The following CRACD variants were observed in gnomAD, a reference collection of about 807,000 sequenced individuals.
The protein encoded by CRACD is capping protein-inhibiting regulator of actin dynamics.
In CRACD, 56 loss-of-function variants were observed where a neutral mutation model predicts 106.8. The observed-to-expected ratio is 0.52, with a 90% CI of 0.42 to 0.66. The LOEUF is 0.66. Ranked by LOEUF, CRACD falls within the 30% of genes least tolerant of loss-of-function variation. The pLI is 0.00. For synonymous variants in CRACD, 754 were observed against 670.8 expected (o/e 1.12, Z -1.92); for missense variants, 1,730 against 1,623.2 (o/e 1.07, Z -1.13).
At chr4:56,313,628 T>C (rs553325689) in intron 7 of CRACD, among the ~76,000 whole-genome samples, 28 of 152,322 alleles carry the variant, frequency 1.8e-4, no homozygotes, top group Admixed American at 1.8e-3. Flanking sequence ...TGTGTTTGCT[T>C]TGCAGTGGAA....
chr4:56,259,002 G>A (rs1289927579), intron 2 of CRACD, among the ~76,000 whole-genome samples: 1 of 152,118 alleles, frequency 6.6e-6, no homozygotes, highest in East Asian at 1.9e-4. Context: ...CTAAAATGCA[G>A]ATTCAGTCGC....
At chr4:56,225,108 A>G (rs1739233847) in intron 2 of CRACD, among the ~76,000 whole-genome samples, 1 of 152,092 alleles carries the variant, frequency 6.6e-6, no homozygotes, top group Admixed American at 6.6e-5. Flanking sequence ...TATTATTTTG[A>G]GATGGTGTCT....
chr4:56,298,777 G>A (rs894652915), intron 4 of CRACD, among the ~76,000 whole-genome samples: 4 of 151,994 alleles, frequency 2.6e-5, no homozygotes, highest in Non-Finnish European at 5.9e-5. Context: ...TACTAAAAAT[G>A]CAAAAATTAG....
At position 56,315,448 on chromosome 4, in the gene CRACD, G is replaced by T. The variant is rs778728205; in HGVS notation, c.1946G>T (p.Ser649Ile). The change falls in exon 8 of 11, where the codon AGC becomes ATC. Residue 649 changes from serine to isoleucine, a missense_variant. By Grantham distance (142) the Ser-to-Ile change is moderately radical. Transcript: ENST00000682029. The surrounding 1 kb of genome is among the most constrained non-coding windows in gnomAD (Gnocchi z 4.1). ...GGCCCCGGCGACGCGAGGGCGGGCA[G>T]CGGGAAGGCTAAGCCCCGCCAGGAG... ...PRGPGDARAG[S>I]GKAKPRQESP... 1 of 1,612,962 alleles carries T rather than the reference G, an allele frequency of 6.2e-7. No homozygotes were observed. The highest frequency in any genetic ancestry group is 8.5e-7 in the Non-Finnish European group (1 of 1,179,782).
intron 1 of CRACD, among the ~76,000 whole-genome samples, chr4:56,068,174 G>GTC (rs1560441118): frequency 6.6e-6 from 1 of 152,160 alleles, no homozygotes. Context: ...CAGGAACAGC[G>GTC]TCTCTGAGAA....
At chr4:56,245,961 A>G (rs1049925327) in intron 2 of CRACD, among the ~76,000 whole-genome samples, 2 of 152,200 alleles carry the variant, frequency 1.3e-5, no homozygotes, top group African/African-American at 4.8e-5. Flanking sequence ...TATGTTATGT[A>G]CCGTGTGCCT....
chr4:56,224,676 A>G (rs1380804112), intron 2 of CRACD, among the ~76,000 whole-genome samples: 1 of 152,092 alleles, frequency 6.6e-6, no homozygotes, highest in Non-Finnish European at 1.5e-5. Flanking sequence ...AATCAGTACA[A>G]CCTCTATATT....
chr4:56,260,395 G>A (rs1346277888), intron 2 of CRACD, among the ~76,000 whole-genome samples: 2 of 152,164 alleles, frequency 1.3e-5, no homozygotes, highest in African/African-American at 4.8e-5. Context: ...TTAGTGAAAG[G>A]ATGACTTTCT....
chr4:56,204,783 G>C (rs1420881206), intron 2 of CRACD, among the ~76,000 whole-genome samples: 4 of 152,208 alleles, frequency 2.6e-5, no homozygotes, highest in Non-Finnish European at 5.9e-5. Context: ...GAGTAAGCAG[G>C]GAAAGGTGAG....
Position 56,314,386 on chromosome 4 carries a change from T to C in CRACD, c.884T>C (p.Leu295Pro). Residue 295 changes from leucine (L) to proline (P), a missense_variant, in exon 8 of 11, where the codon CTG (leucine) becomes CCG (proline). Physicochemically the swap from Leu to Pro is moderately conservative, Grantham distance 98 (BLOSUM62 -3). Around this residue, in one of 5 missense-constraint regions of CRACD, gnomAD observed 1,620 missense variants for 1,481.6 expected, o/e 1.09. Transcript: ENST00000682029. The surrounding 1 kb of genome is among the most constrained non-coding windows in gnomAD (Gnocchi z 4.4). ...CCGCGGGAAGAGCAGCAGCGGAGCC[T>C]GGAAGCGCCAGGTTGGGAGGACGCG... ...RAPREEQQRS[L>P]EAPGWEDAER... 7.3e-7 allele frequency: 1 copy of C among 1,378,852 alleles called. No individual in the cohort carries two copies. Among genetic ancestry groups the C allele is most frequent in the Non-Finnish European group, 9.8e-7 (1 of 1,016,578 alleles). 85.4% of individuals were successfully genotyped at this position (1,378,852 alleles called of 1,614,324 possible). A position where few individuals can be genotyped will look rare whatever the true frequency, so the allele number is the denominator to read the frequency against.
At chr4:56,146,490 A>G (rs1735384919) in intron 1 of CRACD, among the ~76,000 whole-genome samples, 1 of 151,610 alleles carries the variant, frequency 6.6e-6, no homozygotes, top group Non-Finnish European at 1.5e-5. Context: ...ACATATGTAT[A>G]CATGTGCCAT....
intron 1 of CRACD, among the ~76,000 whole-genome samples, chr4:56,100,097 G>T (rs1029681019): frequency 3.3e-5 from 5 of 152,110 alleles, no homozygotes; most frequent in African/African-American, 1.2e-4. Flanking sequence ...AAAAAAATTA[G>T]CCAGGCATGG....
chr4:56,235,713 A>G (rs149168691), intron 2 of CRACD, among the ~76,000 whole-genome samples: 13 of 152,316 alleles, frequency 8.5e-5, no homozygotes, highest in Non-Finnish European at 1.6e-4. Context: ...CTTTTGAAAC[A>G]AAGGTCTAAG....
intron 2 of CRACD, among the ~76,000 whole-genome samples, chr4:56,251,123 G>A (rs1741029266): frequency 6.6e-6 from 1 of 152,114 alleles, no homozygotes; most frequent in African/African-American, 2.4e-5. Context: ...TAAATACTTT[G>A]GATATTTGGT....
At chr4:56,210,635 A>G (rs1738352472) in intron 2 of CRACD, among the ~76,000 whole-genome samples, 1 of 152,258 alleles carries the variant, frequency 6.6e-6, no homozygotes, top group African/African-American at 2.4e-5. Flanking sequence ...GTAAACATTA[A>G]TCCATTGTCT....
intron 1 of CRACD, among the ~76,000 whole-genome samples, chr4:56,168,512 T>TTG (rs1736238385): frequency 1.3e-5 from 2 of 151,888 alleles, no homozygotes; most frequent in Admixed American, 1.3e-4. Flanking sequence ...TACCATGTAT[T>TTG]TGTTTTTGGT....
At position 56,315,667 on chromosome 4, in the gene CRACD, T is replaced by C. The variant is rs141775618; in HGVS notation, c.2165T>C (p.Met722Thr). The change falls in exon 8 of 11, where the codon ATG becomes ACG. Residue 722 changes from methionine (M) to threonine (T), a missense_variant. This residue lies in a region of CRACD where 1,620 missense variants were observed against 1,481.6 expected (regional missense o/e 1.09). Transcript: ENST00000682029. This position sits in a 1 kb window ranked among gnomAD's most constrained non-coding sequence, Gnocchi z 4.1. ...TPPVNAKFSI[M>T]PAWQKFSDGG... ...CCAGTCAATGCAAAGTTCTCTATTA[T>C]GCCTGCCTGGCAGAAATTTTCCGAT... 732 of 1,614,214 alleles carry C rather than the reference T, an allele frequency of 4.5e-4. 2 individuals are homozygous for C. The African/African-American group carries it at 7.6e-3, about 17-fold the overall frequency.
chr4:56,223,506 G>A (rs1739154451), intron 2 of CRACD, among the ~76,000 whole-genome samples: 1 of 152,024 alleles, frequency 6.6e-6, no homozygotes, highest in South Asian at 2.1e-4. Context: ...TAATATTTTA[G>A]TCTTTGTTCC....
intron 2 of CRACD, among the ~76,000 whole-genome samples, chr4:56,243,921 GC>G (rs1357250775): frequency 6.6e-6 from 1 of 151,994 alleles, no homozygotes; most frequent in African/African-American, 2.4e-5. Flanking sequence ...CTCCCTCAAA[GC>G]CCCTTACTAC....
Sources: gnomAD v4.1 joint callset for allele counts (sites outside exome capture counted in the v4.1 genomes callset) on GRCh38, gnomAD v4.1.1 for gene constraint, gnomAD v4.1.1 regional missense constraint, Gnocchi (gnomAD v3.1) non-coding constraint, MANE v1.5 for transcripts, NCBI Gene and HGNC (gene_info 2026-07-23, HGNC 2026-07-21) for gene names.